The following SENP7 variants were observed in gnomAD, a reference collection of about 807,000 sequenced individuals.
SENP7 encodes sentrin-specific protease 7.
SENP7 carries 64 observed loss-of-function variants against 141.2 expected under a neutral mutation model. The ratio of observed to expected loss-of-function variants is 0.45; its 90% confidence interval spans 0.37 to 0.56. The LOEUF is 0.56. SENP7 is among the 20% of genes least tolerant of loss of function. The pLI is 0.00. For missense variants in SENP7, 1,025 were observed against 1,212.2 expected, an observed-to-expected ratio of 0.85 and a Z score of 2.29; for synonymous variants, 382 against 426.4, an observed-to-expected ratio of 0.90 and a Z score of 1.28.
At chr3:101,501,212 G>C (rs2065365021) in intron 1 of SENP7, 93 bp from the exon 2 acceptor site, 1 of 832,954 alleles carries the variant, frequency 1.2e-6, no homozygotes, top group Non-Finnish European at 1.9e-6. Context: ...TTCATCCTTT[G>C]TTTTAAATTA....
At chr3:101,481,549 A>G (rs1458896490) in intron 3 of SENP7, among the ~76,000 whole-genome samples, 1 of 152,194 alleles carries the variant, frequency 6.6e-6, no homozygotes, top group East Asian at 1.9e-4. Flanking sequence ...ATACAGCTAG[A>G]TAGAAGGAGT....
chr3:101,345,767 T>G (rs1473078457), intron 13 of SENP7, among the ~76,000 whole-genome samples: 1 of 152,116 alleles, frequency 6.6e-6, no homozygotes, highest in East Asian at 1.9e-4. Context: ...AAAAATCAAC[T>G]CAAAATGGAT....
intron 1 of SENP7, among the ~76,000 whole-genome samples, chr3:101,511,845 A>G (rs1340084986): frequency 6.6e-6 from 1 of 152,010 alleles, no homozygotes; most frequent in Non-Finnish European, 1.5e-5. Context: ...TTTGATACAG[A>G]GTCTCGCTCT....
chr3:101,329,267 A>G (rs1036861250), intron 20 of SENP7, among the ~76,000 whole-genome samples: 6 of 152,194 alleles, frequency 3.9e-5, no homozygotes, highest in African/African-American at 1.4e-4. Context: ...GCCCAACTTA[A>G]TTGACCTTGG....
Position 101,397,937 on chromosome 3 carries a change from T to G in SENP7, c.677+924A>C, listed in dbSNP as rs115308883. Reference sequence around the variant, plus strand: ...CTAGCTTTGTGCCACAGATTTTTTCTTATTTCCAGTCCACACACAATCCTC... The same window carrying G: ...CTAGCTTTGTGCCACAGATTTTTTCGTATTTCCAGTCCACACACAATCCTC... On this transcript the variant is annotated intron_variant, in intron 6 of 23. Transcript: ENST00000394095. Among the ~76,000 whole-genome samples the G allele has an allele frequency of 6.1e-3, 931 of 152,338 alleles. 6 individuals are homozygous for G. Among genetic ancestry groups the G allele is most frequent in the African/African-American group, 0.022 (897 of 41,580 alleles).
intron 6 of SENP7, among the ~76,000 whole-genome samples, chr3:101,375,840 T>A (rs898236111): frequency 6.6e-6 from 1 of 152,202 alleles, no homozygotes; most frequent in African/African-American, 2.4e-5. Context: ...TTTGAACACA[T>A]TATGCTAAGT....
chr3:101,399,365 T>TC (rs1287200791), intron 5 of SENP7, among the ~76,000 whole-genome samples: 1 of 152,228 alleles, frequency 6.6e-6, no homozygotes, highest in African/African-American at 2.4e-5. Flanking sequence ...ATGCTTTCTT[T>TC]CCTTTTCCAG....
chr3:101,391,030 A>T (rs2060802356), intron 6 of SENP7, among the ~76,000 whole-genome samples: 1 of 152,178 alleles, frequency 6.6e-6, no homozygotes, highest in Non-Finnish European at 1.5e-5. Flanking sequence ...ATAAATTTAA[A>T]AAGTATTAAA....
intron 2 of SENP7, among the ~76,000 whole-genome samples, chr3:101,495,931 C>T (rs1366052868): frequency 6.6e-6 from 1 of 152,182 alleles, no homozygotes; most frequent in Non-Finnish European, 1.5e-5. Context: ...CACTGTTTCC[C>T]TGGTACTTAT....
At chr3:101,482,554 A>G (rs2064537754) in intron 3 of SENP7, among the ~76,000 whole-genome samples, 1 of 152,186 alleles carries the variant, frequency 6.6e-6, no homozygotes, top group Non-Finnish European at 1.5e-5. Context: ...TGTGGATATC[A>G]ACAAACTGAC....
chr3:101,372,008 C>A lies in SENP7; in HGVS notation c.796G>T (p.Asp266Tyr). 6.9e-7 allele frequency: 1 copy of A among 1,453,290 alleles called. No individual in the cohort carries two copies. The highest frequency in any genetic ancestry group is 9.3e-7 in the Non-Finnish European group (1 of 1,071,082). 90.0% of individuals were successfully genotyped at this position (1,453,290 alleles called of 1,614,324 possible). Residue 266 changes from aspartate to tyrosine, a missense_variant and splice_region_variant, in exon 7 of 24, where the codon GAC becomes TAC. Asp to Tyr is a radical substitution (Grantham distance 160, BLOSUM62 -3). Transcript: ENST00000394095. The part of the protein sequence containing the change: ...SLLISDTQPE[D>Y]LNSGSRGCDH... The stretch of plus-strand genomic sequence containing the variant: ...CAACAGTTTTCTAAGGTTCACAAAC[C>A]TTCAGGCTGAGTATCAGATATTAAA...
chr3:101,487,743 T>A (rs775845746), intron 3 of SENP7, among the ~76,000 whole-genome samples: 3 of 152,330 alleles, frequency 2.0e-5, no homozygotes, highest in Admixed American at 1.3e-4. Context: ...TTTGTTTTTG[T>A]CAGCCTTTCA....
At chr3:101,440,702 A>T (rs1204488508) in intron 4 of SENP7, among the ~76,000 whole-genome samples, 1 of 152,108 alleles carries the variant, frequency 6.6e-6, no homozygotes, top group Non-Finnish European at 1.5e-5. Context: ...CCAAAACCAG[A>T]AAAAGACAGC....
At chr3:101,486,284 A>G (rs1485713606) in intron 3 of SENP7, among the ~76,000 whole-genome samples, 1 of 152,176 alleles carries the variant, frequency 6.6e-6, no homozygotes, top group Non-Finnish European at 1.5e-5. Context: ...TCACAAAAAG[A>G]TCTTCACCTA....
intron 4 of SENP7, 120 bp from the exon 5 acceptor site, chr3:101,417,910 T>C (rs1049032931): frequency 4.0e-6 from 3 of 751,742 alleles, no homozygotes; most frequent in African/African-American, 1.8e-5. Context: ...CTATAGTAAA[T>C]ACCCTAAGAA....
At chr3:101,510,184 C>CT (rs2065790920) in intron 1 of SENP7, among the ~76,000 whole-genome samples, 1 of 152,220 alleles carries the variant, frequency 6.6e-6, no homozygotes, top group African/African-American at 2.4e-5. Context: ...CTCCCAGACA[C>CT]TTTATCATTC....
chr3:101,371,779 GA>G (rs1266328021), intron 7 of SENP7, among the ~76,000 whole-genome samples: 4 of 151,724 alleles, frequency 2.6e-5, no homozygotes, highest in African/African-American at 4.8e-5. Flanking sequence ...CCCCAAAGAA[GA>G]AAAAAATATA....
intron 3 of SENP7, among the ~76,000 whole-genome samples, chr3:101,473,483 T>G (rs1364425604): frequency 6.6e-6 from 1 of 152,190 alleles, no homozygotes; most frequent in Non-Finnish European, 1.5e-5. Flanking sequence ...CTCTAATGAT[T>G]AGTGATGTTG....
Position 101,453,169 on chromosome 3 carries a change from C to T in SENP7, c.284+5786G>A, listed in dbSNP as rs538335809. Reference sequence around the variant, plus strand: ...TGCAAATCAAAACCACAATGAGATACCATCTCACACCAGTTAGAATGGCAA... The same window carrying T: ...TGCAAATCAAAACCACAATGAGATATCATCTCACACCAGTTAGAATGGCAA... On this transcript the variant is annotated intron_variant, in intron 4 of 23. Transcript: ENST00000394095. Among the ~76,000 whole-genome samples, 29 of 152,252 alleles carry T rather than the reference C, an allele frequency of 1.9e-4. No individual in the cohort carries two copies. The East Asian group carries it at 5.4e-3, about 28-fold the overall frequency.
Sources: allele counts gnomAD v4.1 joint callset (sites outside exome capture counted in the v4.1 genomes callset), GRCh38; gene constraint gnomAD v4.1.1; transcripts MANE v1.5; gene names NCBI Gene and HGNC (gene_info 2026-07-23, HGNC 2026-07-21).